Variants in DENND1A observed in about 807,000 individuals in gnomAD.
The protein encoded by DENND1A is DENN domain containing 1A, also known as DENN domain-containing protein 1A.
In DENND1A, 51 loss-of-function variants were observed where a neutral mutation model predicts 113.7. The observed-to-expected ratio is 0.45, with a 90% CI of 0.36 to 0.57. DENND1A has a LOEUF of 0.57. DENND1A is among the 20% of genes least tolerant of loss of function. DENND1A has a pLI of 0.00. For missense variants in DENND1A, 1,258 were observed against 1,395.9 expected (o/e 0.90, Z 1.57); for synonymous variants, 565 against 570.8 (o/e 0.99, Z 0.14).
intron 13 of DENND1A, among the ~76,000 whole-genome samples, chr9:123,496,862 A>G (rs1221651811): frequency 1.3e-5 from 2 of 152,206 alleles, no homozygotes; most frequent in South Asian, 2.1e-4. Context: ...CTGCTCACAT[A>G]GTGCTGAAAT....
At chr9:123,851,248 C>T (rs1229425152) in intron 2 of DENND1A, among the ~76,000 whole-genome samples, 1 of 152,192 alleles carries the variant, frequency 6.6e-6, no homozygotes, top group East Asian at 1.9e-4. Flanking sequence ...TTAGTTTGTA[C>T]TTTCTAGGCT....
rs531348354 is a variant in DENND1A, at chr9:123,760,625, C to T, written c.183-2803G>A. On this transcript the variant is annotated intron_variant, in intron 4 of 23. Transcript: ENST00000394215. ...ATAGGGCCGTCAAGGGGACACCAAA[C>T]GCTACCTTCCTATGCCTGTTATGTT... 7.2e-5 allele frequency among the ~76,000 whole-genome samples: 11 copies of T among 152,302 alleles called. 1 individual carries two copies. In the South Asian group the frequency reaches 1.7e-3, roughly 23 times the overall value.
intron 6 of DENND1A, among the ~76,000 whole-genome samples, chr9:123,676,219 A>C (rs1453156332): frequency 3.3e-5 from 5 of 152,154 alleles, no homozygotes; most frequent in African/African-American, 1.2e-4. Flanking sequence ...TTTTAACGTC[A>C]TTTTCAGACC....
intron 1 of DENND1A, among the ~76,000 whole-genome samples, chr9:123,921,444 A>G (rs1008428021): frequency 1.3e-5 from 2 of 152,248 alleles, no homozygotes; most frequent in African/African-American, 4.8e-5. Context: ...AAGAACTGCC[A>G]GCGTGGAGTC....
chr9:123,533,746 T>G (rs2055515282), intron 13 of DENND1A, among the ~76,000 whole-genome samples: 1 of 152,214 alleles, frequency 6.6e-6, no homozygotes, highest in South Asian at 2.1e-4. Context: ...GAATTCTTTC[T>G]AGAAAGGTCA....
At chr9:123,481,883 C>T (rs1256910769) in intron 13 of DENND1A, among the ~76,000 whole-genome samples, 1 of 150,034 alleles carries the variant, frequency 6.7e-6, no homozygotes, top group Non-Finnish European at 1.5e-5. Context: ...GCAACCTCTG[C>T]CTTCCAGGTT....
chr9:123,446,880 G>A (rs1211056485), intron 18 of DENND1A, among the ~76,000 whole-genome samples: 1 of 152,204 alleles, frequency 6.6e-6, no homozygotes, highest in Admixed American at 6.5e-5. Flanking sequence ...GCTGTGAAAT[G>A]GGCCCATTTG....
chr9:123,882,935 C>T (rs1848526850), intron 1 of DENND1A, among the ~76,000 whole-genome samples: 1 of 152,214 alleles, frequency 6.6e-6, no homozygotes, highest in Admixed American at 6.5e-5. Context: ...GCAATGCCTA[C>T]AAAGTCCTAC....
At chr9:123,867,970 C>G (rs774731087) in intron 2 of DENND1A, among the ~76,000 whole-genome samples, 4 of 152,178 alleles carry the variant, frequency 2.6e-5, no homozygotes, top group Admixed American at 6.5e-5. Context: ...GAACCCAACA[C>G]AGAAGACAGA....
intron 2 of DENND1A, among the ~76,000 whole-genome samples, chr9:123,830,873 G>GAAAAAAAAAAAA (rs71390447): frequency 1.5e-4 from 6 of 39,310 alleles, no homozygotes; most frequent in Non-Finnish European, 1.8e-4. Context: ...TCTCAAAAAT[G>GAAAAAAAAAAAA]AAAAAAAAAA....
At chr9:123,692,567 T>C (rs2065253826) in intron 5 of DENND1A, among the ~76,000 whole-genome samples, 1 of 152,224 alleles carries the variant, frequency 6.6e-6, no homozygotes, top group Admixed American at 6.5e-5. Flanking sequence ...TATAAGTAAT[T>C]CCCTGTGCTT....
chr9:123,400,547 T>TA (rs1225925594), intron 21 of DENND1A: 2 of 152,312 alleles, frequency 1.3e-5, no homozygotes, highest in East Asian at 3.9e-4. Flanking sequence ...GAGACAGTCT[T>TA]ACTCTTAATC....
At chr9:123,459,024 A>G (rs1160816102) in intron 13 of DENND1A, among the ~76,000 whole-genome samples, 1 of 152,190 alleles carries the variant, frequency 6.6e-6, no homozygotes, top group Middle Eastern at 3.4e-3. Context: ...AAATGAGCTG[A>G]GCCAAGTGTG....
intron 5 of DENND1A, among the ~76,000 whole-genome samples, chr9:123,742,236 GAA>G (rs11357350): frequency 4.5e-5 from 6 of 132,922 alleles, no homozygotes; most frequent in Admixed American, 7.6e-5. Flanking sequence ...CAAAGCATGG[GAA>G]AAAAAAAAAA....
At chr9:123,495,839 G>C (rs1018558038) in intron 13 of DENND1A, among the ~76,000 whole-genome samples, 1 of 152,164 alleles carries the variant, frequency 6.6e-6, no homozygotes, top group Non-Finnish European at 1.5e-5. Flanking sequence ...GCCCCAATAA[G>C]GGCACCATTG....
At chr9:123,899,728 G>C (rs1480984344) in intron 1 of DENND1A, among the ~76,000 whole-genome samples, 3 of 152,136 alleles carry the variant, frequency 2.0e-5, no homozygotes. Context: ...TTATATTCCT[G>C]CTAAATTGTT....
chr9:123,762,331 T>A (rs890078139), intron 4 of DENND1A, among the ~76,000 whole-genome samples: 1 of 152,184 alleles, frequency 6.6e-6, no homozygotes, highest in African/African-American at 2.4e-5. Context: ...TAGGTGAATA[T>A]GAAAAACAAG....
intron 5 of DENND1A, among the ~76,000 whole-genome samples, chr9:123,738,109 T>C (rs571890912): frequency 1.9e-3 from 296 of 152,284 alleles, no homozygotes; most frequent in African/African-American, 6.9e-3. Context: ...ATAACCAGTA[T>C]TTGTTAAAGA....
chr9:123,663,828 G>A (rs1022237134), intron 8 of DENND1A, among the ~76,000 whole-genome samples: 4 of 151,406 alleles, frequency 2.6e-5, no homozygotes, highest in Admixed American at 2.6e-4. Flanking sequence ...TTTTAAAAAT[G>A]TAAGTTTTGA....
Sources: allele counts gnomAD v4.1 joint callset (sites outside exome capture counted in the v4.1 genomes callset), GRCh38; gene constraint gnomAD v4.1.1; transcripts MANE v1.5; gene names NCBI Gene and HGNC (gene_info 2026-07-23, HGNC 2026-07-21).